THBS2: variants seen among roughly 807,000 people sequenced by gnomAD.
THBS2 encodes thrombospondin-2.
THBS2 carries 47 observed loss-of-function variants against 135.2 expected under a neutral mutation model. The ratio of observed to expected loss-of-function variants is 0.35; its 90% CI spans 0.28 to 0.44. The LOEUF (loss-of-function observed/expected upper bound fraction) is 0.44. Ranked by LOEUF, THBS2 falls within the 20% of genes least tolerant of loss-of-function variation. The pLI is 1.00. For missense variants in THBS2, 1,288 were observed against 1,603.1 expected (o/e 0.80, Z 3.36); for synonymous variants, 639 against 633.8 (o/e 1.01, Z -0.12).
intron 3 of THBS2, among the ~76,000 whole-genome samples, chr6:169,247,162 A>G (rs1780579117): frequency 6.6e-6 from 1 of 152,208 alleles, no homozygotes; most frequent in African/African-American, 2.4e-5. Flanking sequence ...CTCAATCTCA[A>G]CTGACGATAA....
intron 4 of THBS2, 49 bp from the exon 5 acceptor site, chr6:169,242,007 G>A (rs1473235147): frequency 6.4e-7 from 1 of 1,556,396 alleles, no homozygotes; most frequent in South Asian, 1.2e-5. Context: ...GACGGGGCCA[G>A]CAGCAGGGGC....
In THBS2 at chr6:169,216,557, ATAACAG is replaced by A. The variant is rs1438319537; in HGVS notation, c.*1259_*1264del. On this transcript the variant is annotated 3_prime_UTR_variant, in exon 22 of 22. Coordinates refer to ENST00000617924, the MANE Select transcript of THBS2 (RefSeq NM_003247.5). ...AAAGAATTCCATATACAGCAGATAGATAACAGTAACAAATATTGAACTAAAATCGCT... is the reference window on the plus strand; with the variant it reads ...AAAGAATTCCATATACAGCAGATAGATAACAAATATTGAACTAAAATCGCT... 2 of 152,036 alleles carry A rather than the reference ATAACAG, an allele frequency of 1.3e-5. No individual in the cohort carries two copies. Among genetic ancestry groups the A allele is most frequent in the Admixed American group, 6.6e-5 (1 of 15,252 alleles). The allele number at this position is 152,036 out of a possible 1,614,324, so 9.4% of individuals were successfully genotyped here. A position where few individuals can be genotyped will look rare whatever the true frequency, so the allele number is the denominator to read the frequency against.
chr6:169,226,594 T>C (rs947611885), intron 15 of THBS2, among the ~76,000 whole-genome samples: 5 of 152,230 alleles, frequency 3.3e-5, no homozygotes, highest in Admixed American at 6.5e-5. Flanking sequence ...CGTGTAAATC[T>C]GAGCTTGCTA....
intron 10 of THBS2, among the ~76,000 whole-genome samples, chr6:169,233,622 A>C (rs11969899): frequency 0.15 from 20,735 of 140,334 alleles, 3,182 homozygotes; most frequent in African/African-American, 0.38. Context: ...GCCATGTTCC[A>C]GACCACACAG....
At chr6:169,245,610 C>A (rs111919315) in intron 4 of THBS2, among the ~76,000 whole-genome samples, 83 of 152,006 alleles carry the variant, frequency 5.5e-4, no homozygotes, top group South Asian at 8.3e-4. Flanking sequence ...GGCTAACACG[C>A]TGAAACCCCA....
intron 4 of THBS2, among the ~76,000 whole-genome samples, chr6:169,243,506 A>G (rs1780447975): frequency 6.6e-6 from 1 of 152,190 alleles, no homozygotes; most frequent in African/African-American, 2.4e-5. Flanking sequence ...CAGCGCTGTC[A>G]GGCATTCCGT....
At chr6:169,227,856 C>T (rs142440409) in intron 15 of THBS2, among the ~76,000 whole-genome samples, 3,590 of 152,186 alleles carry the variant, frequency 0.024, 140 homozygotes, top group African/African-American at 0.081. Flanking sequence ...CCAAGGCAGG[C>T]GGATCATTTG....
At chr6:169,235,442 T>G (rs560190732) in intron 9 of THBS2, among the ~76,000 whole-genome samples, 1 of 152,146 alleles carries the variant, frequency 6.6e-6, no homozygotes, top group South Asian at 2.1e-4. Flanking sequence ...GCAGTTCCCA[T>G]GAGGCGTGAG....
chr6:169,218,017 ATGGGTCGGTGGGTGGG>A (rs1779241810), intron 21 of THBS2, among the ~76,000 whole-genome samples, 188 bp from the exon 22 acceptor site: 1 of 76,148 alleles, frequency 1.3e-5, no homozygotes, highest in African/African-American at 4.9e-5. Flanking sequence ...GATGGATGAG[ATGGGTCGGTGGGTGGG>A]TGGATGAGAT....
intron 4 of THBS2, among the ~76,000 whole-genome samples, chr6:169,245,258 G>A (rs1279149732): frequency 6.6e-6 from 1 of 151,552 alleles, no homozygotes; most frequent in African/African-American, 2.4e-5. Context: ...CTTCATCTTT[G>A]TAAAATGAAG....
intron 16 of THBS2, 92 bp from the exon 17 acceptor site, chr6:169,225,471 C>T: frequency 7.7e-7 from 1 of 1,296,478 alleles, no homozygotes; most frequent in South Asian, 1.4e-5. Context: ...GAGCCGGCCT[C>T]CTCGTCCTGC....
chr6:169,242,706 A>C (rs922613133), intron 4 of THBS2, among the ~76,000 whole-genome samples: 2 of 37,378 alleles, frequency 5.4e-5, no homozygotes, highest in Non-Finnish European at 5.7e-5. Flanking sequence ...CCACCTTCCC[A>C]CCACTCCCAC....
intron 2 of THBS2, among the ~76,000 whole-genome samples, chr6:169,249,919 A>T (rs1014929838): frequency 6.6e-6 from 1 of 151,748 alleles, no homozygotes; most frequent in Non-Finnish European, 1.5e-5. Context: ...AGTCCCAGCT[A>T]CTCGGGAGGC....
At chr6:169,234,207 C>A (rs952211908) in intron 10 of THBS2, among the ~76,000 whole-genome samples, 2 of 151,024 alleles carry the variant, frequency 1.3e-5, no homozygotes, top group Non-Finnish European at 3.0e-5. Context: ...ACACAACCAC[C>A]CAGATGCCAC....
At position 169,248,498 on chromosome 6, in the gene THBS2, G is replaced by T. The variant is rs546944328; in HGVS notation, c.528C>A (p.Asp176Glu). 1 of 1,613,982 alleles carries T rather than the reference G, an allele frequency of 6.2e-7. No homozygotes were observed. Among genetic ancestry groups the T allele is most frequent in the East Asian group, 2.2e-5 (1 of 44,866 alleles). ...GCDLIDSFAL[D>E]EPFYEHLQAE... is the part of the protein sequence containing the mutation. The stretch of plus-strand genomic sequence containing the variant: ...CCTGCAGGTGCTCGTAGAAGGGCTC[G>T]TCCAGAGCGAAGCTGTCTATGAGGT... Residue 176 changes from aspartate (D) to glutamate (E), a missense_variant, in exon 3 of 22, where the codon GAC becomes GAA. Asp to Glu is a conservative substitution (Grantham distance 45, BLOSUM62 2). Coordinates refer to ENST00000617924, the MANE Select transcript of THBS2 (RefSeq NM_003247.5).
intron 4 of THBS2, among the ~76,000 whole-genome samples, chr6:169,244,164 G>GT (rs34458367): frequency 0.027 from 3,304 of 120,268 alleles, 87 homozygotes; most frequent in African/African-American, 0.062. Context: ...ATTTCTCTGT[G>GT]TTTTTTTTTT....
intron 6 of THBS2, among the ~76,000 whole-genome samples, chr6:169,240,236 C>A (rs994124286): frequency 1.3e-5 from 2 of 152,206 alleles, no homozygotes; most frequent in African/African-American, 4.8e-5. Flanking sequence ...GTTGCTCCCC[C>A]TCTCTGGGCT....
At position 169,239,640 on chromosome 6, in the gene THBS2, G is replaced by A. The variant is rs143772842; in HGVS notation, c.1088C>T (p.Pro363Leu). 1.1e-5 allele frequency: 18 copies of A among 1,607,086 alleles called. No individual in the cohort carries two copies. The African/African-American group carries it at 1.6e-4, about 14-fold the overall frequency. The change falls in exon 7 of 22, where the codon CCA (proline) becomes CTA (leucine). Residue 363 changes from proline (P) to leucine (L), a missense_variant. This residue lies in a region of THBS2 where 874 missense variants were observed against 1,156.1 expected (regional missense o/e 0.76). Transcript: ENST00000617924. ...GCAGCATTCGCCTTCCACAAAGGAT[G>A]GACTGGCGCAGGTTGCAGGCGGGCA... ...ITCPPATCAS[P>L]SFVEGECCPS...
At chr6:169,240,810 A>G (rs957202135) in intron 5 of THBS2, among the ~76,000 whole-genome samples, 24 of 152,134 alleles carry the variant, frequency 1.6e-4, no homozygotes, top group African/African-American at 5.8e-4. Flanking sequence ...GGGGCTCCCC[A>G]TCCACCTGCC....
Sources: allele counts gnomAD v4.1 joint callset (sites outside exome capture counted in the v4.1 genomes callset), GRCh38; gene constraint gnomAD v4.1.1; regional missense constraint gnomAD v4.1.1; transcripts MANE v1.5; gene names NCBI Gene and HGNC (gene_info 2026-07-23, HGNC 2026-07-21).